The following ZNF134 variants were observed in gnomAD, a reference collection of about 807,000 sequenced individuals.
ZNF134 encodes zinc finger protein 134.
ZNF134 carries 5 observed loss-of-function variants against 2.5 expected under a neutral mutation model. That is an observed-to-expected ratio of 2.03 (90% CI 1.06 to 4.27). The LOEUF (loss-of-function observed/expected upper bound fraction) is 4.27. Among genes scored for constraint, ZNF134 ranks in the 30% most tolerant of loss-of-function variants. ZNF134 has a pLI of 0.00. For missense variants in ZNF134, 540 were observed against 517.5 expected (o/e 1.04, Z -0.42); for synonymous variants, 176 against 176.2 (o/e 1.00, Z 0.01).
Position 57,620,403 on chromosome 19 carries a change from A to G in ZNF134, c.284A>G (p.Gln95Arg). Residue 95 changes from glutamine to arginine, a missense_variant, in exon 3 of 3, where the codon CAG becomes CGG. Gln to Arg is a conservative substitution (Grantham distance 43). Coordinates refer to ENST00000396161, the MANE Select transcript of ZNF134 (RefSeq NM_003435.5). ...RQFWFSANLH[Q>R]YQKCYSIEQP... The stretch of plus-strand genomic sequence containing the variant: ...TTCTGGTTCAGTGCAAACCTTCATC[A>G]GTACCAGAAGTGTTACAGTATAGAG... 1 of 1,614,238 alleles carries G rather than the reference A, an allele frequency of 6.2e-7. No homozygotes were observed. Among genetic ancestry groups the G allele is most frequent in the Non-Finnish European group, 8.5e-7 (1 of 1,180,044 alleles).
chr19:57,620,614 T>A lies in ZNF134; in HGVS notation c.495T>A (p.Ser165Arg), dbSNP rs1981180537. 6.2e-7 allele frequency: 1 copy of A among 1,614,042 alleles called. No individual in the cohort carries two copies. Among genetic ancestry groups the A allele is most frequent in the African/African-American group, 1.3e-5 (1 of 74,994 alleles). ...SKRKTHRSTE[S>R]GDAFHGEQMH... ...GGAAGACACACAGGAGCACTGAGAG[T>A]GGGGATGCATTTCATGGTGAACAAA... is the stretch of plus-strand genomic sequence containing the variant. The change falls in exon 3 of 3, where the codon AGT (serine) becomes AGA (arginine). Residue 165 changes from serine (S) to arginine (R), a missense_variant. Ser to Arg is a moderately radical substitution (Grantham distance 110). Transcript: ENST00000396161.
In ZNF134 at chr19:57,621,597, C is replaced by A; in HGVS notation, c.*194C>A. The A allele has an allele frequency of 2.3e-6, 2 of 869,496 alleles. No homozygotes were observed. The highest frequency in any genetic ancestry group is 3.9e-6 in the Non-Finnish European group (2 of 516,046). 53.9% of individuals were successfully genotyped at this position (869,496 alleles called of 1,614,324 possible). A position where few individuals can be genotyped will look rare whatever the true frequency, so the allele number is the denominator to read the frequency against. Reference sequence around the variant, plus strand: ...CCATGTGGCCGAAACCATCTTAACTCTACCAGCTAAGATACCCCAGCATTG... The same window carrying A: ...CCATGTGGCCGAAACCATCTTAACTATACCAGCTAAGATACCCCAGCATTG... On this transcript the variant is annotated 3_prime_UTR_variant, in exon 3 of 3. Transcript: ENST00000396161.
rs1981284839 is a variant in ZNF134, at chr19:57,623,311, G to A, written c.*1908G>A. 1 of 152,132 alleles carries A rather than the reference G, an allele frequency of 6.6e-6. No homozygotes were observed. Among genetic ancestry groups the A allele is most frequent in the African/African-American group, 2.4e-5 (1 of 41,420 alleles). The allele number at this position is 152,132 out of a possible 1,614,324, so 9.4% of individuals were successfully genotyped here. On this transcript the variant is annotated 3_prime_UTR_variant, in exon 3 of 3. Coordinates refer to ENST00000396161, the MANE Select transcript of ZNF134 (RefSeq NM_003435.5). ...AGTTTATCCATTTATCTTAATTGAT[G>A]TCTGTACTCCACCCCCATTTTTAAA...
In ZNF134 at chr19:57,620,226, A is replaced by G. The variant is rs532342346; in HGVS notation, c.107A>G (p.His36Arg). The G allele has an allele frequency of 3.1e-6, 5 of 1,614,220 alleles. No individual in the cohort carries two copies. In the African/African-American group the frequency reaches 6.7e-5, roughly 22 times the overall value. ...CAGAGCATTTCTATAGCAGTGTCAC[A>G]TGTTAATACTTCCAAGGCAGGTTTG... is the stretch of plus-strand genomic sequence containing the variant. ...SEQSISIAVS[H>R]VNTSKAGLPA... Residue 36 changes from histidine to arginine, a missense_variant, in exon 3 of 3, where the codon CAT (histidine) becomes CGT (arginine). Transcript: ENST00000396161.
rs1298618920 is a variant in ZNF134 at position 57,614,318 on chromosome 19, C to G, written c.-243C>G. On this transcript the variant is annotated 5_prime_UTR_variant, in exon 1 of 3. Transcript: ENST00000396161. ...GGGTTGCTGGGCGGTTCCGAGGTGA[C>G]GGAAGCGGGAGGGTGCGGGAGAAGT... The G allele has an allele frequency of 2.2e-6, 1 of 454,132 alleles. No individual in the cohort carries two copies. The highest frequency in any genetic ancestry group is 2.0e-5 in the African/African-American group (1 of 49,838). 28.1% of individuals were successfully genotyped at this position (454,132 alleles called of 1,614,324 possible).
At position 57,621,899 on chromosome 19, in the gene ZNF134, A is replaced by G. The variant is rs1599946338; in HGVS notation, c.*496A>G. 7.7e-6 allele frequency: 2 copies of G among 261,052 alleles called. No homozygotes were observed. The highest frequency in any genetic ancestry group is 1.5e-5 in the Non-Finnish European group (2 of 131,872). 16.2% of individuals were successfully genotyped at this position (261,052 alleles called of 1,614,324 possible). On this transcript the variant is annotated 3_prime_UTR_variant, in exon 3 of 3. Transcript: ENST00000396161. ...GCCTCATGTTGCTCTGGTTTGTGAT[A>G]ATAAAGGCTTTACAGTTTAAGCCAC...
chr19:57,621,259 CTT>C lies in ZNF134; in HGVS notation c.1142_1143del (p.Phe381TyrfsTer20). On this transcript the variant is annotated frameshift_variant, in exon 3 of 3. Coordinates refer to ENST00000396161, the MANE Select transcript of ZNF134 (RefSeq NM_003435.5). LOFTEE classifies it low-confidence loss of function (END_TRUNC). ...PFVCSKCGKDFIRTSHLVRHQ... is the reference protein window; with the variant it reads ...PFVCSKCGKDXIRTSHLVRHQ... ...TTGTGTGCAGTAAATGTGGGAAAGACTTTATCAGAACCTCCCACCTTGTTCGA... is the reference window on the plus strand; with the variant it reads ...TTGTGTGCAGTAAATGTGGGAAAGACTATCAGAACCTCCCACCTTGTTCGA... The C allele has an allele frequency of 1.2e-6, 2 of 1,614,044 alleles. No individual in the cohort carries two copies. Among genetic ancestry groups the C allele is most frequent in the Non-Finnish European group, 1.7e-6 (2 of 1,179,998 alleles).
intron 1 of ZNF134, among the ~76,000 whole-genome samples, chr19:57,615,282 A>G (rs890442527): frequency 2.0e-5 from 3 of 151,960 alleles, no homozygotes; most frequent in East Asian, 1.9e-4. Flanking sequence ...AGAGACTTCA[A>G]TGGGTGAGGC....
chr19:57,620,687 A>T lies in ZNF134; in HGVS notation c.568A>T (p.Thr190Ser). The T allele has an allele frequency of 6.2e-7, 1 of 1,614,136 alleles. No homozygotes were observed. Among genetic ancestry groups the T allele is most frequent in the Non-Finnish European group, 8.5e-7 (1 of 1,180,018 alleles). ...ECGKAFSRKDTLVQHQRIHSG... is the reference protein window; with the variant it reads ...ECGKAFSRKDSLVQHQRIHSG... Reference sequence around the variant, plus strand: ...TGGGAAAGCTTTCAGCCGCAAAGACACACTTGTCCAGCACCAGAGAATTCA... The same window carrying T: ...TGGGAAAGCTTTCAGCCGCAAAGACTCACTTGTCCAGCACCAGAGAATTCA... The change falls in exon 3 of 3, where the codon ACA becomes TCA. Residue 190 changes from threonine (T) to serine (S), a missense_variant. Transcript: ENST00000396161.
In ZNF134 at chr19:57,621,468, A is replaced by T. The variant is rs1297581351; in HGVS notation, c.*65A>T. The T allele has an allele frequency of 6.2e-7, 1 of 1,600,722 alleles. No individual in the cohort carries two copies. Among genetic ancestry groups the T allele is most frequent in the Non-Finnish European group, 8.5e-7 (1 of 1,177,532 alleles). ...GAATTTCATGTATCTGAACATTGAC[A>T]CAAAGGAGATACCTTATGGTGCCAG... On this transcript the variant is annotated 3_prime_UTR_variant, in exon 3 of 3. Coordinates refer to ENST00000396161, the MANE Select transcript of ZNF134 (RefSeq NM_003435.5).
In ZNF134 at chr19:57,620,583, G is replaced by C; in HGVS notation, c.464G>C (p.Ser155Thr). The change falls in exon 3 of 3, where the codon AGT becomes ACT. Residue 155 changes from serine (S) to threonine (T), a missense_variant. Transcript: ENST00000396161. ...LGGCQQKAIH[S>T]KRKTHRSTES... ...GGCTGCCAACAAAAGGCCATCCACAGTAAGAGGAAGACACACAGGAGCACT... is the reference window on the plus strand; with the variant it reads ...GGCTGCCAACAAAAGGCCATCCACACTAAGAGGAAGACACACAGGAGCACT... The C allele has an allele frequency of 6.2e-7, 1 of 1,614,244 alleles. No homozygotes were observed. Among genetic ancestry groups the C allele is most frequent in the Non-Finnish European group, 8.5e-7 (1 of 1,180,046 alleles).
chr19:57,619,716 A>G, intron 2 of ZNF134: 1 of 599,162 alleles, frequency 1.7e-6, no homozygotes. Flanking sequence ...GCTCTAGTAG[A>G]GCAATAGCTC....
intron 1 of ZNF134, among the ~76,000 whole-genome samples, chr19:57,617,370 GAATCATTTTTCTTAAAGTGGGACCA>G (rs1981083081): frequency 6.6e-6 from 1 of 152,186 alleles, no homozygotes; most frequent in South Asian, 2.1e-4. Context: ...GATGGATTCT[GAATCATTTTTCTTAAAGTGGGACCA>G]ACCAGATTTT....
rs1981232138 is a variant in ZNF134, at chr19:57,621,829, T to G, written c.*426T>G. The stretch of plus-strand genomic sequence containing the variant: ...TATTCTTGGTCTCACATACTTGTAA[T>G]CAAGTTTTTCCAGCCTCCAAGTCAC... On this transcript the variant is annotated 3_prime_UTR_variant, in exon 3 of 3. Coordinates refer to ENST00000396161, the MANE Select transcript of ZNF134 (RefSeq NM_003435.5). 1 of 307,340 alleles carries G rather than the reference T, an allele frequency of 3.3e-6. No individual in the cohort carries two copies. Among genetic ancestry groups the G allele is most frequent in the Non-Finnish European group, 6.4e-6 (1 of 156,262 alleles). 19.0% of individuals were successfully genotyped at this position (307,340 alleles called of 1,614,324 possible).
Position 57,623,596 on chromosome 19 carries a change from TAGATGTTTTAGAGAGAG to T in ZNF134, c.*2210_*2226del, listed in dbSNP as rs1208696980. On this transcript the variant is annotated 3_prime_UTR_variant, in exon 3 of 3. Coordinates refer to ENST00000396161, the MANE Select transcript of ZNF134 (RefSeq NM_003435.5). ...TTAAGAGATTCATTGTTAGGAAAGA[TAGATGTTTTAGAGAGAG>T]AGATGTTTTAGAGAGATAGCCAAGG... 6.6e-6 allele frequency: 1 copy of T among 151,464 alleles called. No individual in the cohort carries two copies. Among genetic ancestry groups the T allele is most frequent in the African/African-American group, 2.4e-5 (1 of 41,244 alleles). The allele number at this position is 151,464 out of a possible 1,614,324, so 9.4% of individuals were successfully genotyped here. A position where few individuals can be genotyped will look rare whatever the true frequency, so the allele number is the denominator to read the frequency against.
At chr19:57,616,593 C>T (rs1344730519) in intron 1 of ZNF134, among the ~76,000 whole-genome samples, 5 of 152,202 alleles carry the variant, frequency 3.3e-5, no homozygotes, top group East Asian at 3.8e-4. Context: ...TATGTTCACA[C>T]AGCTGGTGGG....
chr19:57,615,215 G>T (rs1981019177), intron 1 of ZNF134, among the ~76,000 whole-genome samples: 1 of 152,100 alleles, frequency 6.6e-6, no homozygotes, highest in African/African-American at 2.4e-5. Context: ...CTGCACTGGA[G>T]GTTCATCACG....
intron 1 of ZNF134, among the ~76,000 whole-genome samples, chr19:57,615,851 G>C (rs946268693): frequency 6.6e-6 from 1 of 152,226 alleles, no homozygotes; most frequent in Admixed American, 6.5e-5. Flanking sequence ...TTATTGGTTA[G>C]TGCTTACAGG....
In ZNF134 at chr19:57,623,762, T is replaced by C. The variant is rs1410171864; in HGVS notation, c.*2359T>C. The C allele has an allele frequency of 3.3e-5, 5 of 152,312 alleles. No homozygotes were observed. Among genetic ancestry groups the C allele is most frequent in the African/African-American group, 1.2e-4 (5 of 41,568 alleles). 9.4% of individuals were successfully genotyped at this position (152,312 alleles called of 1,614,324 possible). A position where few individuals can be genotyped will look rare whatever the true frequency, so the allele number is the denominator to read the frequency against. ...AACAATTTATAAGAAGTTTAAACTATCACTCATCTCAGCAAAAGCCAAAAA... is the reference window on the plus strand; with the variant it reads ...AACAATTTATAAGAAGTTTAAACTACCACTCATCTCAGCAAAAGCCAAAAA... On this transcript the variant is annotated 3_prime_UTR_variant, in exon 3 of 3. Transcript: ENST00000396161.
Sources: allele counts gnomAD v4.1 joint callset (sites outside exome capture counted in the v4.1 genomes callset), GRCh38; gene constraint gnomAD v4.1.1; transcripts MANE v1.5; gene names NCBI Gene and HGNC (gene_info 2026-07-23, HGNC 2026-07-21).